CSGALNACT1: variants seen among roughly 807,000 people sequenced by gnomAD.
CSGALNACT1 encodes chondroitin sulfate N-acetylgalactosaminyltransferase 1, also known as beta4GalNAcT-1.
CSGALNACT1 carries 52 observed loss-of-function variants against 51.0 expected under a neutral mutation model. The ratio of observed to expected loss-of-function variants is 1.02; its 90% CI spans 0.82 to 1.29. CSGALNACT1 has a LOEUF of 1.29. Ranked by LOEUF, CSGALNACT1 falls within the 50% of genes most tolerant of loss-of-function variation. CSGALNACT1 has a pLI of 0.00. For missense variants in CSGALNACT1, 935 were observed against 679.2 expected, an observed-to-expected ratio of 1.38 and a Z score of -4.19; for synonymous variants, 341 against 254.4, an observed-to-expected ratio of 1.34 and a Z score of -3.24.
At chr8:19,610,248 C>T (rs937374290) in intron 1 of CSGALNACT1, among the ~76,000 whole-genome samples, 1 of 142,692 alleles carries the variant, frequency 7.0e-6, no homozygotes, top group African/African-American at 2.8e-5. Context: ...CAAAATTGTG[C>T]CACTGAACTC....
At chr8:19,700,413 G>A (rs1184741079) in intron 1 of CSGALNACT1, among the ~76,000 whole-genome samples, 1 of 152,074 alleles carries the variant, frequency 6.6e-6, no homozygotes, top group African/African-American at 2.4e-5. Context: ...TACAAAATCA[G>A]GCTAATAGCC....
At chr8:19,671,834 C>T (rs2059817189) in intron 1 of CSGALNACT1, among the ~76,000 whole-genome samples, 1 of 151,848 alleles carries the variant, frequency 6.6e-6, no homozygotes, top group African/African-American at 2.4e-5. Context: ...GGCTTTTTTC[C>T]CACTTATTAT....
At chr8:19,719,507 A>T (rs972520635) in intron 1 of CSGALNACT1, among the ~76,000 whole-genome samples, 2 of 152,210 alleles carry the variant, frequency 1.3e-5, no homozygotes, top group South Asian at 2.1e-4. Context: ...TTGATGTAGG[A>T]ATCTCCCATC....
chr8:19,542,692 T>A (rs186728332), intron 3 of CSGALNACT1, among the ~76,000 whole-genome samples: 113 of 152,324 alleles, frequency 7.4e-4, no homozygotes, highest in African/African-American at 2.5e-3. Flanking sequence ...GCCAGCCATC[T>A]CTTCATTATC....
intron 4 of CSGALNACT1, among the ~76,000 whole-genome samples, chr8:19,489,113 A>G (rs139564024): frequency 2.1e-4 from 32 of 152,324 alleles, no homozygotes; most frequent in African/African-American, 7.7e-4. Context: ...CAAAGAGCAT[A>G]GTGTGAGTCC....
chr8:19,607,673 C>T (rs1256004741), intron 1 of CSGALNACT1, among the ~76,000 whole-genome samples: 1 of 152,238 alleles, frequency 6.6e-6, no homozygotes, highest in Non-Finnish European at 1.5e-5. Flanking sequence ...GGGATATCAG[C>T]TGCACTTAAT....
intron 4 of CSGALNACT1, among the ~76,000 whole-genome samples, chr8:19,476,914 C>T (rs1464972627): frequency 6.6e-6 from 1 of 152,274 alleles, no homozygotes; most frequent in Non-Finnish European, 1.5e-5. Flanking sequence ...TGAGGCCTTC[C>T]CATGAGGTCC....
intron 4 of CSGALNACT1, among the ~76,000 whole-genome samples, chr8:19,501,277 G>GGCAA (rs2153985922): frequency 6.6e-6 from 1 of 150,482 alleles, no homozygotes; most frequent in South Asian, 2.1e-4. Context: ...AAAGAATAAG[G>GGCAA]GCAAGCTAGC....
At chr8:19,644,509 A>C (rs1343755049) in intron 1 of CSGALNACT1, among the ~76,000 whole-genome samples, 1 of 151,504 alleles carries the variant, frequency 6.6e-6, no homozygotes, top group Non-Finnish European at 1.5e-5. Flanking sequence ...CAGGAGTTCC[A>C]GACCAGCCTG....
At chr8:19,570,823 G>A (rs1264651743) in intron 3 of CSGALNACT1, among the ~76,000 whole-genome samples, 1 of 152,068 alleles carries the variant, frequency 6.6e-6, no homozygotes, top group Non-Finnish European at 1.5e-5. Context: ...TCAAGCTGAG[G>A]CTTGAACCCA....
At chr8:19,551,601 G>A (rs1047780286) in intron 3 of CSGALNACT1, among the ~76,000 whole-genome samples, 1 of 152,158 alleles carries the variant, frequency 6.6e-6, no homozygotes. Flanking sequence ...ATCCAGTCTG[G>A]TTTGCTTACA....
intron 4 of CSGALNACT1, among the ~76,000 whole-genome samples, chr8:19,462,873 C>T (rs2065855660): frequency 6.6e-6 from 1 of 151,882 alleles, no homozygotes; most frequent in South Asian, 2.1e-4. Context: ...CACAAGTAAA[C>T]TGCATGTTGC....
chr8:19,461,411 A>G (rs1467566930), intron 4 of CSGALNACT1, among the ~76,000 whole-genome samples: 104 of 151,944 alleles, frequency 6.8e-4, no homozygotes, highest in African/African-American at 2.4e-3. Flanking sequence ...TTCACCATGG[A>G]GGGTGTATCC....
At chr8:19,734,492 C>A (rs148319969) in intron 1 of CSGALNACT1, among the ~76,000 whole-genome samples, 4 of 152,292 alleles carry the variant, frequency 2.6e-5, no homozygotes, top group African/African-American at 9.6e-5. Context: ...ATATTGCCTG[C>A]GCACATTGCT....
At chr8:19,672,555 T>C (rs1029127851) in intron 1 of CSGALNACT1, among the ~76,000 whole-genome samples, 21 of 152,220 alleles carry the variant, frequency 1.4e-4, no homozygotes, top group East Asian at 3.8e-4. Context: ...AAGAATACTA[T>C]TGACTATCTA....
chr8:19,445,596 A>C lies in CSGALNACT1; in HGVS notation c.852-5665T>G, dbSNP rs377002398. On this transcript the variant is annotated intron_variant, in intron 5 of 9. Transcript: ENST00000454498. ...AACAAACACTTGGTGACAACATATC[A>C]TGGACCAGATACTCTACCAGTGGAT... 3.9e-5 allele frequency among the ~76,000 whole-genome samples: 6 copies of C among 152,218 alleles called. No individual in the cohort carries two copies. The South Asian group carries it at 1.2e-3, about 31-fold the overall frequency.
chr8:19,529,959 G>A lies in CSGALNACT1; in HGVS notation c.-296-23829C>T, dbSNP rs190272394. Among the ~76,000 whole-genome samples, 6 of 151,962 alleles carry A rather than the reference G, an allele frequency of 3.9e-5. No homozygotes were observed. The East Asian group carries it at 5.8e-4, about 15-fold the overall frequency. On this transcript the variant is annotated intron_variant, in intron 3 of 9. Coordinates refer to ENST00000454498, the Ensembl canonical transcript of CSGALNACT1. ...GTCTCAGCCCAACACAGTGGCTCAC[G>A]CCTGTAATCCTAGCACTTAGGAAGG... is the stretch of plus-strand genomic sequence containing the variant.
chr8:19,639,748 G>A (rs1477344779), intron 1 of CSGALNACT1, among the ~76,000 whole-genome samples: 1 of 152,002 alleles, frequency 6.6e-6, no homozygotes. Flanking sequence ...CAACTGCTCT[G>A]ACCCGCTCCA....
chr8:19,699,108 C>T (rs1408736291), intron 1 of CSGALNACT1, among the ~76,000 whole-genome samples: 1 of 152,186 alleles, frequency 6.6e-6, no homozygotes, highest in Non-Finnish European at 1.5e-5. Context: ...GTCTCAAACT[C>T]AAGCAATCTG....
Sources: gnomAD v4.1 joint callset for allele counts (sites outside exome capture counted in the v4.1 genomes callset) on GRCh38, gnomAD v4.1.1 for gene constraint, MANE v1.5 for transcripts, NCBI Gene and HGNC (gene_info 2026-07-23, HGNC 2026-07-21) for gene names.